Variants in KCNQ1 observed in about 807,000 individuals in gnomAD.
The protein encoded by KCNQ1 is potassium voltage-gated channel subfamily KQT member 1.
In KCNQ1, 49 loss-of-function variants were observed where a neutral mutation model predicts 72.4. That is an observed-to-expected ratio of 0.68 (90% CI 0.54 to 0.86). The LOEUF is 0.86. Ranked by LOEUF, KCNQ1 falls within the 40% of genes least tolerant of loss-of-function variation. The probability of loss-of-function intolerance (pLI) is 0.00; values close to 1 mark genes in which losing one functional copy is unlikely to be tolerated. For synonymous variants in KCNQ1, 450 were observed against 412.6 expected, an observed-to-expected ratio of 1.09 and a Z score of -1.10; for missense variants, 790 against 945.1, an observed-to-expected ratio of 0.84 and a Z score of 2.15.
chr11:2,792,978 C>A (rs766403136), intron 15 of KCNQ1, among the ~76,000 whole-genome samples: 152 of 151,862 alleles, frequency 1.0e-3, no homozygotes, highest in Non-Finnish European at 1.6e-3. Flanking sequence ...AGGTCAGGCA[C>A]ACAAGAGCCA....
At position 2,544,613 on chromosome 11, in the gene KCNQ1, G is replaced by C. The variant is rs947817578; in HGVS notation, c.477+16595G>C. Among the ~76,000 whole-genome samples the C allele has an allele frequency of 2.6e-5, 4 of 151,850 alleles. No homozygotes were observed. Among genetic ancestry groups the C allele is most frequent in the Non-Finnish European group, 5.9e-5 (4 of 67,954 alleles). ...TCATATTTTTTATGCTATGGTCAAT[G>C]GTATTTCTTCTAATCTAGAACTGAA... On this transcript the variant is annotated intron_variant, in intron 2 of 15. Coordinates refer to ENST00000155840, the MANE Select transcript of KCNQ1 (RefSeq NM_000218.3). The surrounding 1 kb of genome is among the most constrained non-coding windows in gnomAD (Gnocchi z 4.4).
chr11:2,518,918 C>T (rs184820225), intron 1 of KCNQ1, among the ~76,000 whole-genome samples: 5 of 152,296 alleles, frequency 3.3e-5, no homozygotes, highest in East Asian at 1.9e-4. Context: ...TCCATTCACC[C>T]GGAGCTGGAC....
chr11:2,650,757 A>G (rs77261324), intron 10 of KCNQ1: 1 of 398,662 alleles, frequency 2.5e-6, no homozygotes, highest in African/African-American at 2.1e-5. Context: ...TGCTACCCAC[A>G]GGCAATTTGA....
rs534899634 is a variant in KCNQ1 at position 2,516,685 on chromosome 11, C to T, written c.387-11243C>T. Among the ~76,000 whole-genome samples the T allele has an allele frequency of 6.6e-6, 1 of 152,278 alleles. No homozygotes were observed. Among genetic ancestry groups the T allele is most frequent in the Admixed American group, 6.5e-5 (1 of 15,296 alleles). On this transcript the variant is annotated intron_variant, in intron 1 of 15. Coordinates refer to ENST00000155840, the MANE Select transcript of KCNQ1 (RefSeq NM_000218.3). The surrounding 1 kb of genome is among the most constrained non-coding windows in gnomAD (Gnocchi z 7.0). ...ACTCTTTGCCGGGATCCTCATGCTACGGCCACCACCTGATTTTGTCGATAA... is the reference window on the plus strand; with the variant it reads ...ACTCTTTGCCGGGATCCTCATGCTATGGCCACCACCTGATTTTGTCGATAA...
chr11:2,771,209 C>T (rs1846593438), intron 12 of KCNQ1: 1 of 152,364 alleles, frequency 6.6e-6, no homozygotes, highest in South Asian at 2.1e-4. Context: ...ACCCTGATGG[C>T]TCCTGGGCAG....
chr11:2,632,671 G>A (rs568108933), intron 10 of KCNQ1: 1 of 398,352 alleles, frequency 2.5e-6, no homozygotes, highest in Admixed American at 4.4e-5. Context: ...TTTGTGAGCA[G>A]TCAAAATCCT....
chr11:2,612,102 T>A lies in KCNQ1; in HGVS notation c.1393+23248T>A, dbSNP rs1182777965. 2.5e-6 allele frequency: 1 copy of A among 398,486 alleles called. No individual in the cohort carries two copies. The highest frequency in any genetic ancestry group is 2.1e-5 in the African/African-American group (1 of 48,616). 24.7% of individuals were successfully genotyped at this position (398,486 alleles called of 1,614,324 possible). On this transcript the variant is annotated intron_variant, in intron 10 of 15. Coordinates refer to ENST00000155840, the MANE Select transcript of KCNQ1 (RefSeq NM_000218.3). This position sits in a 1 kb window ranked among gnomAD's most constrained non-coding sequence, Gnocchi z 5.5. The stretch of plus-strand genomic sequence containing the variant: ...GTTACACATCCTGTTAGGACAGGGG[T>A]TCCCAACCCCAGGGCCATGGACTGG...
At chr11:2,649,527 C>T (rs993983804) in intron 10 of KCNQ1, 15 of 398,428 alleles carry the variant, frequency 3.8e-5, no homozygotes, top group Non-Finnish European at 5.3e-5. Flanking sequence ...TTTCTTCCCT[C>T]ATTCTGCTTC....
At position 2,642,933 on chromosome 11, in the gene KCNQ1, G is replaced by A. The variant is rs1849602845; in HGVS notation, c.1394-19028G>A. The A allele has an allele frequency of 2.5e-6, 1 of 397,662 alleles. No homozygotes were observed. Among genetic ancestry groups the A allele is most frequent in the East Asian group, 3.6e-5 (1 of 27,950 alleles). The allele number at this position is 397,662 out of a possible 1,614,324, so 24.6% of individuals were successfully genotyped here. On this transcript the variant is annotated intron_variant, in intron 10 of 15. Coordinates refer to ENST00000155840, the MANE Select transcript of KCNQ1 (RefSeq NM_000218.3). This position sits in a 1 kb window ranked among gnomAD's most constrained non-coding sequence, Gnocchi z 4.3. ...TCTTCTTTGACCCATTGGTCATTCA[G>A]GAACATGTTAATTTCCATTTATTTA... is the stretch of plus-strand genomic sequence containing the variant.
Position 2,471,682 on chromosome 11 carries a change from G to A in KCNQ1, c.386+26198G>A, listed in dbSNP as rs968493117. ...GGTGTGTGCATGGGTGTGCACATGT[G>A]TATGGGTGTGCATGTGTGTATAGGT... is the stretch of plus-strand genomic sequence containing the variant. On this transcript the variant is annotated intron_variant, in intron 1 of 15. Transcript: ENST00000155840. This position sits in a 1 kb window ranked among gnomAD's most constrained non-coding sequence, Gnocchi z 4.8. Among the ~76,000 whole-genome samples, 2 of 152,028 alleles carry A rather than the reference G, an allele frequency of 1.3e-5. No homozygotes were observed. Among genetic ancestry groups the A allele is most frequent in the Admixed American group, 1.3e-4 (2 of 15,272 alleles).
chr11:2,802,640 A>T (rs1480745497), intron 15 of KCNQ1, among the ~76,000 whole-genome samples: 1 of 152,184 alleles, frequency 6.6e-6, no homozygotes, highest in African/African-American at 2.4e-5. Flanking sequence ...TAGTGGCAAG[A>T]GGCCCAGCAG....
At chr11:2,641,039 C>A in intron 10 of KCNQ1, 2 of 398,400 alleles carry the variant, frequency 5.0e-6, no homozygotes, top group Non-Finnish European at 8.8e-6. Flanking sequence ...TATATATTTA[C>A]CTCATTTTCT....
intron 10 of KCNQ1, chr11:2,636,745 GT>G (rs1849473523): frequency 6.6e-6 from 1 of 152,242 alleles, no homozygotes; most frequent in Admixed American, 6.5e-5. Flanking sequence ...GTTTGGAATA[GT>G]TTCAGAAGGC....
At chr11:2,742,219 C>T (rs1564878407) in intron 11 of KCNQ1, among the ~76,000 whole-genome samples, 1 of 152,230 alleles carries the variant, frequency 6.6e-6, no homozygotes, top group Non-Finnish European at 1.5e-5. Flanking sequence ...GGGGGTACCA[C>T]CATGATTTGA....
intron 1 of KCNQ1, among the ~76,000 whole-genome samples, chr11:2,448,990 G>T (rs1019437687): frequency 1.3e-5 from 2 of 152,262 alleles, no homozygotes; most frequent in Non-Finnish European, 2.9e-5. Context: ...GGCCTCCCCA[G>T]CCTGTGTGGG....
At position 2,824,244 on chromosome 11, in the gene KCNQ1, G is replaced by A. The variant is rs1260204610; in HGVS notation, c.1795-23523G>A. ...CATGGAGGGGCCAGAGTAGAGGGGA[G>A]GTGGGTGAGGAGGCTACGCAGAGGC... On this transcript the variant is annotated intron_variant, in intron 15 of 15. Transcript: ENST00000155840. The surrounding 1 kb of genome is among the most constrained non-coding windows in gnomAD (Gnocchi z 5.9). Among the ~76,000 whole-genome samples, 1 of 152,154 alleles carries A rather than the reference G, an allele frequency of 6.6e-6. No homozygotes were observed. The highest frequency in any genetic ancestry group is 6.5e-5 in the Admixed American group (1 of 15,278).
In KCNQ1 at chr11:2,621,118, C is replaced by A. The variant is rs1849164641; in HGVS notation, c.1393+32264C>A. The A allele has an allele frequency of 2.5e-6, 1 of 397,022 alleles. No homozygotes were observed. Among genetic ancestry groups the A allele is most frequent in the Non-Finnish European group, 4.4e-6 (1 of 225,754 alleles). 24.6% of individuals were successfully genotyped at this position (397,022 alleles called of 1,614,324 possible). A position where few individuals can be genotyped will look rare whatever the true frequency, so the allele number is the denominator to read the frequency against. On this transcript the variant is annotated intron_variant, in intron 10 of 15. Transcript: ENST00000155840. This position sits in a 1 kb window ranked among gnomAD's most constrained non-coding sequence, Gnocchi z 5.7. ...TCAGACTCCTGAGTAGCTGGGATTA[C>A]AGGTGACCGCCACCATACCTGGCTA...
intron 15 of KCNQ1, among the ~76,000 whole-genome samples, chr11:2,831,994 G>A (rs919715109): frequency 1.2e-4 from 19 of 152,068 alleles, no homozygotes; most frequent in Non-Finnish European, 2.2e-4. Context: ...CTGCTCCAGG[G>A]GGGTGGCCTG....
At chr11:2,622,632 C>T in intron 10 of KCNQ1, 2 of 398,518 alleles carry the variant, frequency 5.0e-6, no homozygotes, top group Admixed American at 4.4e-5. Context: ...TCCCTTACTG[C>T]CTTTTTTTGT....
Sources: gnomAD v4.1 joint callset for allele counts (sites outside exome capture counted in the v4.1 genomes callset) on GRCh38, gnomAD v4.1.1 for gene constraint, Gnocchi (gnomAD v3.1) non-coding constraint, MANE v1.5 for transcripts, NCBI Gene and HGNC (gene_info 2026-07-23, HGNC 2026-07-21) for gene names.